DOCK3: variants seen among roughly 807,000 people sequenced by gnomAD.
The protein encoded by DOCK3 is dedicator of cytokinesis protein 3.
A neutral mutation model predicts 265.6 loss-of-function variants in DOCK3; 60 were observed. The observed-to-expected ratio is 0.23, with a 90% CI of 0.18 to 0.28. The LOEUF (loss-of-function observed/expected upper bound fraction) is 0.28, where lower values mean the gene tolerates loss of function less well. DOCK3 is among the 10% of genes least tolerant of loss of function. The pLI is 1.00. For missense variants in DOCK3, 1,981 were observed against 2,594.3 expected (o/e 0.76, Z 5.14); for synonymous variants, 881 against 938.0 (o/e 0.94, Z 1.11).
chr3:51,367,935 G>A (rs539353189), intron 49 of DOCK3, among the ~76,000 whole-genome samples: 61 of 152,108 alleles, frequency 4.0e-4, no homozygotes, highest in Non-Finnish European at 6.0e-4. Context: ...TTTTTCCTTC[G>A]TTTCAACTTT....
chr3:51,376,977 C>G (rs1254875989), intron 51 of DOCK3, among the ~76,000 whole-genome samples: 1 of 152,242 alleles, frequency 6.6e-6, no homozygotes, highest in East Asian at 1.9e-4. Flanking sequence ...AACAGAGTGC[C>G]CTTTTCGCCT....
At chr3:51,181,383 C>G (rs558375804) in intron 12 of DOCK3, among the ~76,000 whole-genome samples, 1 of 146,894 alleles carries the variant, frequency 6.8e-6, no homozygotes, top group African/African-American at 2.5e-5. Flanking sequence ...TGAGAACATG[C>G]GGTGTTTGGT....
chr3:51,314,835 G>A (rs2083280928), intron 31 of DOCK3, 145 bp from the exon 32 acceptor site: 6 of 978,968 alleles, frequency 6.1e-6, no homozygotes, highest in Non-Finnish European at 8.2e-6. Flanking sequence ...AGTTGAGGGA[G>A]AGTACCTCAG....
At chr3:50,904,430 T>A (rs965255361) in intron 4 of DOCK3, among the ~76,000 whole-genome samples, 28 of 152,188 alleles carry the variant, frequency 1.8e-4, no homozygotes, top group Non-Finnish European at 3.4e-4. Flanking sequence ...ACCTGTTGTT[T>A]CCTGAGTTTT....
rs536792034 is a variant in DOCK3 at position 51,062,888 on chromosome 3, C to T, written c.316-1560C>T. On this transcript the variant is annotated intron_variant, in intron 5 of 52. Coordinates refer to ENST00000266037, the MANE Select transcript of DOCK3 (RefSeq NM_004947.5). ...GCTTAATCGTCAAGATTCCAATTTT[C>T]CAGATGGTATAGTTTGCTTGGGCTT... is the stretch of plus-strand genomic sequence containing the variant. Among the ~76,000 whole-genome samples the T allele has an allele frequency of 2.0e-5, 3 of 152,300 alleles. No individual in the cohort carries two copies. In the East Asian group the frequency reaches 5.8e-4, roughly 29 times the overall value.
intron 2 of DOCK3, among the ~76,000 whole-genome samples, chr3:50,780,953 A>G (rs952393581): frequency 2.0e-5 from 3 of 152,090 alleles, no homozygotes; most frequent in African/African-American, 7.2e-5. Flanking sequence ...AATGTCCTCT[A>G]GTTCCATTCA....
At chr3:51,003,319 G>A (rs1256435632) in intron 5 of DOCK3, among the ~76,000 whole-genome samples, 1 of 152,186 alleles carries the variant, frequency 6.6e-6, no homozygotes, top group Non-Finnish European at 1.5e-5. Context: ...GTTGGGAATG[G>A]AAGCAGAGAG....
chr3:51,201,481 A>C (rs2088769183), intron 12 of DOCK3, among the ~76,000 whole-genome samples: 1 of 152,224 alleles, frequency 6.6e-6, no homozygotes, highest in Admixed American at 6.5e-5. Flanking sequence ...ACTATCCTAA[A>C]TATATATGCA....
chr3:51,281,723 A>T (rs1036022485), intron 27 of DOCK3, among the ~76,000 whole-genome samples: 2 of 152,160 alleles, frequency 1.3e-5, no homozygotes, highest in Non-Finnish European at 2.9e-5. Context: ...TTCAGTGCTG[A>T]TTACAAACTC....
At chr3:51,180,478 A>G (rs1443805376) in intron 12 of DOCK3, among the ~76,000 whole-genome samples, 2 of 152,152 alleles carry the variant, frequency 1.3e-5, no homozygotes, top group African/African-American at 4.8e-5. Flanking sequence ...TGCCTCTTCC[A>G]ACTTCTGGCT....
At chr3:50,719,694 G>C in intron 1 of DOCK3, 1 of 1,504,140 alleles carries the variant, frequency 6.6e-7, no homozygotes, top group African/African-American at 1.4e-5. Context: ...CAAGATGCCG[G>C]GACTTGTATG....
At chr3:51,268,932 C>T (rs1415805168) in intron 23 of DOCK3, among the ~76,000 whole-genome samples, 1 of 152,056 alleles carries the variant, frequency 6.6e-6, no homozygotes, top group African/African-American at 2.4e-5. Flanking sequence ...CAAAGCAATG[C>T]AGATATGCTT....
chr3:51,312,822 G>T (rs1480628267), intron 30 of DOCK3, 22 bp from the exon 31 acceptor site: 2 of 1,604,268 alleles, frequency 1.2e-6, no homozygotes, highest in African/African-American at 1.3e-5. Flanking sequence ...CTAACGGTTG[G>T]CTCCTGTGTT....
At chr3:51,048,635 C>A (rs142351682) in intron 5 of DOCK3, among the ~76,000 whole-genome samples, 414 of 152,280 alleles carry the variant, frequency 2.7e-3, no homozygotes, top group Non-Finnish European at 5.3e-3. Context: ...ATTATCTCAG[C>A]CATCCATGTG....
At chr3:51,118,798 A>ATTTT (rs564429211) in intron 9 of DOCK3, among the ~76,000 whole-genome samples, 4 of 143,908 alleles carry the variant, frequency 2.8e-5, no homozygotes, top group African/African-American at 1.0e-4. Context: ...ATTACAACCC[A>ATTTT]TTTTTTTTTT....
chr3:50,862,689 A>G (rs149269535), intron 3 of DOCK3, among the ~76,000 whole-genome samples: 3 of 152,012 alleles, frequency 2.0e-5, no homozygotes, highest in African/African-American at 7.2e-5. Flanking sequence ...TGCCCTTCTC[A>G]TGGCTACCAC....
chr3:51,260,197 C>T lies in DOCK3; in HGVS notation c.2226C>T (p.Ile742=), dbSNP rs1000680044. Residue 742 remains isoleucine (I), a synonymous_variant, in exon 23 of 53, where the codon ATC becomes ATT. Transcript: ENST00000266037. The part of the protein sequence containing the change: ...YLFKFIVQSR[I]LYSRATCGME... The stretch of plus-strand genomic sequence containing the variant: ...TCAAGTTCATTGTACAGTCACGGAT[C>T]CTGTACTCACGAGCCACTTGTGGAA... 1.5e-5 allele frequency: 24 copies of T among 1,613,758 alleles called. No individual in the cohort carries two copies. The highest frequency in any genetic ancestry group is 2.0e-5 in the Non-Finnish European group (24 of 1,179,884).
intron 12 of DOCK3, among the ~76,000 whole-genome samples, chr3:51,191,107 G>C (rs1407757812): frequency 6.6e-6 from 1 of 152,158 alleles, no homozygotes; most frequent in East Asian, 1.9e-4. Context: ...TCTACACTCA[G>C]AACTCGAAAC....
intron 5 of DOCK3, among the ~76,000 whole-genome samples, chr3:51,041,439 G>C (rs1203821460): frequency 6.6e-6 from 1 of 151,158 alleles, no homozygotes; most frequent in Non-Finnish European, 1.5e-5. Context: ...GGATGGTCTC[G>C]ATCTCCTGAC....
Sources: gnomAD v4.1 joint callset for allele counts (sites outside exome capture counted in the v4.1 genomes callset) on GRCh38, gnomAD v4.1.1 for gene constraint, MANE v1.5 for transcripts, NCBI Gene and HGNC (gene_info 2026-07-23, HGNC 2026-07-21) for gene names.